KIAA1958: variants seen among roughly 807,000 people sequenced by gnomAD.
KIAA1958 encodes the protein uncharacterized protein KIAA1958.
Under a neutral mutation model 47.2 loss-of-function variants are expected in KIAA1958, and 14 were observed. The ratio of observed to expected loss-of-function variants is 0.30; its 90% CI spans 0.20 to 0.46. The LOEUF is 0.46. KIAA1958 is among the 20% of genes least tolerant of loss of function. The pLI is 1.00. For missense variants in KIAA1958, 803 were observed against 909.2 expected (o/e 0.88, Z 1.50); for synonymous variants, 354 against 353.3 (o/e 1.00, Z -0.02).
At chr9:112,536,363 T>C (rs1052669790) in intron 1 of KIAA1958, among the ~76,000 whole-genome samples, 3 of 152,214 alleles carry the variant, frequency 2.0e-5, no homozygotes, top group Non-Finnish European at 4.4e-5. Flanking sequence ...ATTTAGCCTA[T>C]AGAATACTCA....
At position 112,569,276 on chromosome 9, in the gene KIAA1958, A is replaced by G. The variant is rs575316566; in HGVS notation, c.-24-4781A>G. On this transcript the variant is annotated intron_variant, in intron 1 of 3. Transcript: ENST00000337530. Reference sequence around the variant, plus strand: ...GTGAGTAGGTGGAAATTCATTCTACATGTACTCATACAGAGACCACAAATT... The same window carrying G: ...GTGAGTAGGTGGAAATTCATTCTACGTGTACTCATACAGAGACCACAAATT... 3.3e-5 allele frequency among the ~76,000 whole-genome samples: 5 copies of G among 152,306 alleles called. No homozygotes were observed. In the South Asian group the frequency reaches 1.0e-3, roughly 32 times the overall value.
In KIAA1958 at chr9:112,659,590, A is replaced by T. The variant is rs1181687168; in HGVS notation, c.1672A>T (p.Thr558Ser). 2 of 1,613,476 alleles carry T rather than the reference A, an allele frequency of 1.2e-6. No individual in the cohort carries two copies. Residue 558 changes from threonine to serine, a missense_variant, in exon 4 of 4, where the codon ACT becomes TCT. This residue lies in a region of KIAA1958 where 761 missense variants were observed against 829.3 expected (regional missense o/e 0.92). Transcript: ENST00000337530. ...TGACAGCCCTATCACTCTCCTGTCC[A>T]CTGTGGTCAAGTACAACAGCCAGTA... ...GDDSPITLLS[T>S]VVKYNSQYLN... is the part of the protein sequence containing the mutation.
intron 2 of KIAA1958, among the ~76,000 whole-genome samples, chr9:112,598,651 A>G (rs1239412346): frequency 2.6e-5 from 4 of 152,228 alleles, no homozygotes; most frequent in Admixed American, 1.3e-4. Context: ...AGGCATTACT[A>G]TGTTAATAGT....
chr9:112,511,348 G>A (rs1307816094), intron 1 of KIAA1958, among the ~76,000 whole-genome samples: 1 of 152,208 alleles, frequency 6.6e-6, no homozygotes, highest in Non-Finnish European at 1.5e-5. Flanking sequence ...AAAAGTTTGA[G>A]AGTCACTGGA....
intron 1 of KIAA1958, among the ~76,000 whole-genome samples, chr9:112,489,393 G>T (rs139534383): frequency 3.3e-5 from 5 of 151,946 alleles, no homozygotes; most frequent in Non-Finnish European, 5.9e-5. Flanking sequence ...AGTTGTAGTT[G>T]TGCCTGTTTT....
Position 112,663,015 on chromosome 9 carries a change from T to G in KIAA1958, c.*2946T>G, listed in dbSNP as rs146235755. The stretch of plus-strand genomic sequence containing the variant: ...ATCCCCAGAGAAAGAAGTGGGGAGG[T>G]AAAGAGCGTTTTCTCCACTTACCTT... On this transcript the variant is annotated 3_prime_UTR_variant, in exon 4 of 4. Coordinates refer to ENST00000337530, the MANE Select transcript of KIAA1958 (RefSeq NM_133465.4). 1 of 152,116 alleles carries G rather than the reference T, an allele frequency of 6.6e-6. No homozygotes were observed. Among genetic ancestry groups the G allele is most frequent in the East Asian group, 1.9e-4 (1 of 5,156 alleles). 9.4% of individuals were successfully genotyped at this position (152,116 alleles called of 1,614,324 possible).
chr9:112,577,808 G>A (rs1835674128), intron 2 of KIAA1958, among the ~76,000 whole-genome samples: 1 of 150,848 alleles, frequency 6.6e-6, no homozygotes, highest in African/African-American at 2.4e-5. Context: ...TTATTATTGT[G>A]TGTATTACAT....
intron 1 of KIAA1958, among the ~76,000 whole-genome samples, chr9:112,506,300 C>T (rs1834233959): frequency 1.3e-5 from 2 of 151,952 alleles, no homozygotes; most frequent in African/African-American, 4.8e-5. Context: ...ACTAAAAATA[C>T]AAAAAATTAG....
chr9:112,491,452 T>A (rs1175438259), intron 1 of KIAA1958, among the ~76,000 whole-genome samples: 1 of 152,190 alleles, frequency 6.6e-6, no homozygotes, highest in Non-Finnish European at 1.5e-5. Context: ...AGCTTTCTCC[T>A]TCACCTTACT....
At chr9:112,570,937 G>A (rs1835522367) in intron 1 of KIAA1958, among the ~76,000 whole-genome samples, 1 of 152,202 alleles carries the variant, frequency 6.6e-6, no homozygotes, top group South Asian at 2.1e-4. Context: ...GGAACTGCTG[G>A]CGTAAGTCCC....
At chr9:112,616,640 C>A (rs1460288945) in intron 2 of KIAA1958, among the ~76,000 whole-genome samples, 1 of 152,080 alleles carries the variant, frequency 6.6e-6, no homozygotes, top group Non-Finnish European at 1.5e-5. Context: ...AATAGCGTAG[C>A]CTGTTTCTGT....
chr9:112,544,383 G>A (rs1260841522), intron 1 of KIAA1958, among the ~76,000 whole-genome samples: 1 of 152,248 alleles, frequency 6.6e-6, no homozygotes, highest in Admixed American at 6.5e-5. Context: ...TTAGTTGTTG[G>A]CATTTCTAGC....
chr9:112,528,858 TTTC>T (rs1588003499), intron 1 of KIAA1958, among the ~76,000 whole-genome samples: 1 of 152,214 alleles, frequency 6.6e-6, no homozygotes, highest in Non-Finnish European at 1.5e-5. Context: ...TTCAGCATAG[TTTC>T]TGGATTATGG....
In KIAA1958 at chr9:112,486,958, C is replaced by T. The variant is rs1316514604; in HGVS notation, c.-185C>T. 2 of 168,828 alleles carry T rather than the reference C, an allele frequency of 1.2e-5. No individual in the cohort carries two copies. Among genetic ancestry groups the T allele is most frequent in the Non-Finnish European group, 2.5e-5 (2 of 80,610 alleles). The allele number at this position is 168,828 out of a possible 1,614,324, so 10.5% of individuals were successfully genotyped here. ...GCTCCTCGGTCCGCCGCCCGCCGGG[C>T]GCCTTCCCCGCTCCACTTACCTTTG... On this transcript the variant is annotated 5_prime_UTR_variant, in exon 1 of 4. Transcript: ENST00000337530.
chr9:112,539,686 T>A (rs552664367), intron 1 of KIAA1958, among the ~76,000 whole-genome samples: 43 of 151,544 alleles, frequency 2.8e-4, no homozygotes, highest in Admixed American at 2.1e-3. Context: ...ATATATATTT[T>A]TTTTGCGGGG....
intron 1 of KIAA1958, among the ~76,000 whole-genome samples, chr9:112,495,804 T>C (rs1834043313): frequency 6.6e-6 from 1 of 152,218 alleles, no homozygotes; most frequent in South Asian, 2.1e-4. Flanking sequence ...AGTCTGACTT[T>C]GGCTTTGTAA....
intron 1 of KIAA1958, among the ~76,000 whole-genome samples, chr9:112,503,244 A>G (rs976401513): frequency 6.6e-6 from 1 of 152,228 alleles, no homozygotes; most frequent in African/African-American, 2.4e-5. Context: ...TAAGCACTTA[A>G]AATGAATGAG....
At chr9:112,491,817 G>C (rs1833975596) in intron 1 of KIAA1958, among the ~76,000 whole-genome samples, 1 of 152,010 alleles carries the variant, frequency 6.6e-6, no homozygotes, top group Non-Finnish European at 1.5e-5. Context: ...TTCATTTCAT[G>C]CATAGGATAC....
At chr9:112,563,085 C>CTCTATATATATATA (rs10655286) in intron 1 of KIAA1958, among the ~76,000 whole-genome samples, 3 of 131,560 alleles carry the variant, frequency 2.3e-5, no homozygotes, top group Admixed American at 7.8e-5. Context: ...CTCTCTCTCT[C>CTCTATATATATATA]TATATATATA....
Sources: allele counts gnomAD v4.1 joint callset (sites outside exome capture counted in the v4.1 genomes callset), GRCh38; gene constraint gnomAD v4.1.1; regional missense constraint gnomAD v4.1.1; transcripts MANE v1.5; gene names NCBI Gene and HGNC (gene_info 2026-07-23, HGNC 2026-07-21).